The following ELFN2 variants were observed in gnomAD, a reference collection of about 807,000 sequenced individuals.
ELFN2 encodes the protein protein phosphatase 1 regulatory subunit 29.
In ELFN2, 17 loss-of-function variants were observed where a neutral mutation model predicts 45.5. That is an observed-to-expected ratio of 0.37 (90% CI 0.26 to 0.56). The LOEUF is 0.56. Ranked by LOEUF, ELFN2 falls within the 20% of genes least tolerant of loss-of-function variation. The probability of loss-of-function intolerance (pLI) is 0.77; values close to 1 mark genes in which losing one functional copy is unlikely to be tolerated. For missense variants in ELFN2, 922 were observed against 1,183.2 expected (o/e 0.78, Z 3.24); for synonymous variants, 550 against 551.5 (o/e 1.00, Z 0.04).
intron 2 of ELFN2, chr22:37,341,151 A>G (rs1441186440): frequency 1.3e-5 from 2 of 152,424 alleles, no homozygotes; most frequent in African/African-American, 4.8e-5. Context: ...AGGGGTCACC[A>G]TGGAAATTGT....
intron 1 of ELFN2, among the ~76,000 whole-genome samples, chr22:37,351,275 T>C (rs1298682158): frequency 6.7e-6 from 1 of 149,130 alleles, no homozygotes; most frequent in Non-Finnish European, 1.5e-5. Context: ...ACTCCTCTCC[T>C]CTCCTGCCCC....
intron 1 of ELFN2, among the ~76,000 whole-genome samples, chr22:37,345,041 A>G (rs1442627093): frequency 6.6e-6 from 1 of 152,190 alleles, no homozygotes; most frequent in Non-Finnish European, 1.5e-5. Flanking sequence ...GTCCCTGCAG[A>G]GCAAGCCTGT....
At chr22:37,365,301 G>T (rs1931179402), downstream of ELFN2, among the ~76,000 whole-genome samples, 1 of 152,198 alleles carries the variant, frequency 6.6e-6, no homozygotes, top group Non-Finnish European at 1.5e-5. Flanking sequence ...TGAGGGAGGG[G>T]AATATTCAGC....
intron 1 of ELFN2, among the ~76,000 whole-genome samples, chr22:37,421,335 C>T (rs954690250): frequency 1.2e-4 from 19 of 152,208 alleles, no homozygotes; most frequent in Admixed American, 1.0e-3. Context: ...GCGCCTTGCC[C>T]GATGCCTGGC....
intron 2 of ELFN2, among the ~76,000 whole-genome samples, chr22:37,377,890 G>A (rs1315387539): frequency 1.3e-5 from 2 of 152,214 alleles, no homozygotes; most frequent in Admixed American, 1.3e-4. Flanking sequence ...GCTCCTGGGG[G>A]ATCCCAGGCC....
intron 1 of ELFN2, among the ~76,000 whole-genome samples, chr22:37,345,469 A>G (rs1195006825): frequency 1.3e-5 from 2 of 151,904 alleles, no homozygotes; most frequent in Non-Finnish European, 2.9e-5. Flanking sequence ...GGCACACAGT[A>G]GGTGCTCCAC....
chr22:37,350,805 T>C (rs1930804506), intron 1 of ELFN2, among the ~76,000 whole-genome samples: 1 of 148,516 alleles, frequency 6.7e-6, no homozygotes, highest in South Asian at 2.1e-4. Flanking sequence ...GTGGTGCTTC[T>C]CCAAGACCCG....
chr22:37,392,607 C>T (rs12157666), intron 2 of ELFN2, among the ~76,000 whole-genome samples: 1,962 of 152,270 alleles, frequency 0.013, 36 homozygotes, highest in African/African-American at 0.045. Flanking sequence ...TGTAAGCCAC[C>T]GCGCCCGGCC....
chr22:37,365,972 C>T (rs1169910089), downstream of ELFN2, among the ~76,000 whole-genome samples: 1 of 152,166 alleles, frequency 6.6e-6, no homozygotes, highest in African/African-American at 2.4e-5. Flanking sequence ...TGATTATTTG[C>T]AAGTAAGGCA....
intron 1 of ELFN2, among the ~76,000 whole-genome samples, chr22:37,355,877 C>T (rs371828773): frequency 3.3e-5 from 5 of 152,254 alleles, no homozygotes; most frequent in Admixed American, 6.5e-5. Flanking sequence ...TGCCAGCAAA[C>T]CTGACCCAAA....
intron 2 of ELFN2, among the ~76,000 whole-genome samples, chr22:37,389,268 C>T (rs1932033973): frequency 2.0e-5 from 3 of 152,260 alleles, no homozygotes; most frequent in African/African-American, 4.8e-5. Flanking sequence ...ATGGCTCCCA[C>T]TGGCCCCAGA....
chr22:37,414,784 C>T (rs1325164531), intron 2 of ELFN2, among the ~76,000 whole-genome samples: 1 of 152,216 alleles, frequency 6.6e-6, no homozygotes, highest in Non-Finnish European at 1.5e-5. Flanking sequence ...GCACTCACTA[C>T]ATTCCCCCTT....
At chr22:37,357,998 C>T (rs971301777) in intron 1 of ELFN2, among the ~76,000 whole-genome samples, 3 of 152,328 alleles carry the variant, frequency 2.0e-5, no homozygotes, top group East Asian at 1.9e-4. Context: ...TTTTCTCACT[C>T]ATCCCTTGCG....
At chr22:37,391,299 C>T (rs1235276117) in intron 2 of ELFN2, among the ~76,000 whole-genome samples, 1 of 152,176 alleles carries the variant, frequency 6.6e-6, no homozygotes, top group Non-Finnish European at 1.5e-5. Context: ...AGGACAAAGA[C>T]CAAGTGTGGA....
At chr22:37,358,897 G>C (rs1400185567) in intron 1 of ELFN2, among the ~76,000 whole-genome samples, 1 of 152,198 alleles carries the variant, frequency 6.6e-6, no homozygotes, top group Non-Finnish European at 1.5e-5. Context: ...GGAAGGTGGA[G>C]ACTAGCTCCA....
intron 1 of ELFN2, among the ~76,000 whole-genome samples, chr22:37,357,437 G>C (rs1017790294): frequency 1.3e-5 from 2 of 152,154 alleles, no homozygotes; most frequent in Non-Finnish European, 2.9e-5. Context: ...AGGTTTCTTC[G>C]CCATTTTTAT....
chr22:37,383,229 C>T (rs1031116158), intron 2 of ELFN2, among the ~76,000 whole-genome samples: 1 of 152,158 alleles, frequency 6.6e-6, no homozygotes, highest in Non-Finnish European at 1.5e-5. Flanking sequence ...GGCTGGGCTC[C>T]CTGCTTCTGT....
chr22:37,345,306 C>T (rs190808594), intron 1 of ELFN2, among the ~76,000 whole-genome samples: 8 of 152,344 alleles, frequency 5.3e-5, no homozygotes, highest in Admixed American at 1.3e-4. Flanking sequence ...TGCAAGGTGA[C>T]GCTGGGAAGT....
chr22:37,362,722 T>C (rs896778137), intron 1 of ELFN2, among the ~76,000 whole-genome samples: 7 of 152,102 alleles, frequency 4.6e-5, no homozygotes, highest in Non-Finnish European at 1.0e-4. Flanking sequence ...TCCCCCAAAG[T>C]GTAGAGCAGG....
Sources: gnomAD v4.1 joint callset for allele counts (sites outside exome capture counted in the v4.1 genomes callset) on GRCh38, gnomAD v4.1.1 for gene constraint, MANE v1.5 for transcripts, NCBI Gene and HGNC (gene_info 2026-07-23, HGNC 2026-07-21) for gene names.